The following TDRKH variants were observed in gnomAD, a reference collection of about 807,000 sequenced individuals.
The protein encoded by TDRKH is tudor and KH domain containing.
TDRKH carries 28 observed loss-of-function variants against 61.3 expected under a neutral mutation model. The ratio of observed to expected loss-of-function variants is 0.46; its 90% CI spans 0.34 to 0.63. TDRKH has a LOEUF of 0.63. TDRKH is among the 20% of genes least tolerant of loss of function. TDRKH has a pLI of 0.01. For missense variants in TDRKH, 540 were observed against 683.4 expected (o/e 0.79, Z 2.34); for synonymous variants, 219 against 244.4 (o/e 0.90, Z 0.97).
chr1:151,773,851 C>A lies in TDRKH; in HGVS notation c.*601G>T, dbSNP rs1401588581. 6.6e-6 allele frequency: 1 copy of A among 152,170 alleles called. No homozygotes were observed. Among genetic ancestry groups the A allele is most frequent in the Non-Finnish European group, 1.5e-5 (1 of 68,032 alleles). The allele number at this position is 152,170 out of a possible 1,614,324, so 9.4% of individuals were successfully genotyped here. On this transcript the variant is annotated 3_prime_UTR_variant, in exon 13 of 13. Transcript: ENST00000368824. Reference sequence around the variant, plus strand: ...TTCACCACTCAAAAGCTTTCCTTAACCAGAGTCACCTGATAAGGTGAGTCA... The same window carrying A: ...TTCACCACTCAAAAGCTTTCCTTAAACAGAGTCACCTGATAAGGTGAGTCA...
chr1:151,772,091 G>T, downstream of TDRKH: 1 of 396,324 alleles, frequency 2.5e-6, no homozygotes, highest in South Asian at 1.4e-4. Context: ...AATTGGGACT[G>T]AGATTTTTCT....
At chr1:151,788,666 T>C (rs1158737387) in intron 1 of TDRKH, among the ~76,000 whole-genome samples, 1 of 152,184 alleles carries the variant, frequency 6.6e-6, no homozygotes, top group Non-Finnish European at 1.5e-5. Context: ...CACAGCTCAT[T>C]AGTCATTTCT....
At chr1:151,786,590 C>T (rs1004306904) in intron 1 of TDRKH, among the ~76,000 whole-genome samples, 1 of 152,156 alleles carries the variant, frequency 6.6e-6, no homozygotes, top group African/African-American at 2.4e-5. Context: ...ATACAGATGA[C>T]CAGAATTTGC....
chr1:151,782,694 C>T, intron 2 of TDRKH: 1 of 359,166 alleles, frequency 2.8e-6, no homozygotes, highest in Non-Finnish European at 4.6e-6. Context: ...TGCTTGAGCC[C>T]AGGAGGTCGA....
At chr1:151,785,890 C>T (rs1650267377) in intron 1 of TDRKH, among the ~76,000 whole-genome samples, 1 of 152,110 alleles carries the variant, frequency 6.6e-6, no homozygotes, top group African/African-American at 2.4e-5. Context: ...AACTAAATAT[C>T]TGTATTTCCA....
intron 3 of TDRKH, among the ~76,000 whole-genome samples, 149 bp downstream of exon 3, chr1:151,781,328 AATAT>A (rs60652277): frequency 7.3e-5 from 5 of 68,600 alleles, no homozygotes; most frequent in Admixed American, 2.8e-4. Flanking sequence ...AAAAAAAAAA[AATAT>A]ATATATATAT....
At chr1:151,770,975 C>T (rs1648672118), downstream of TDRKH, 3 of 1,479,104 alleles carry the variant, frequency 2.0e-6, no homozygotes, top group South Asian at 1.4e-5. Context: ...CTGCACTACA[C>T]TGCTTCCCAG....
downstream of TDRKH, chr1:151,769,274 G>GACC (rs1648506230): frequency 1.3e-5 from 2 of 151,242 alleles, no homozygotes; most frequent in African/African-American, 4.9e-5. Flanking sequence ...AGGGGGCGGT[G>GACC]GCCGGGTGGG....
At chr1:151,771,751 G>T (rs937128162), downstream of TDRKH, 1 of 392,646 alleles carries the variant, frequency 2.5e-6, no homozygotes. Context: ...GAATGACAAA[G>T]AACCCATCAG....
downstream of TDRKH, chr1:151,767,192 C>T (rs568688664): frequency 4.2e-5 from 68 of 1,613,960 alleles, 2 homozygotes; most frequent in South Asian, 7.1e-4. Flanking sequence ...GAGGACTTGA[C>T]ACTCCAGCCC....
At chr1:151,768,359 C>CA (rs958195036), downstream of TDRKH, 22 of 1,378,774 alleles carry the variant, frequency 1.6e-5, no homozygotes, top group African/African-American at 4.3e-5. Context: ...GGCATGCAGA[C>CA]AAGCCTGTGA....
intron 1 of TDRKH, among the ~76,000 whole-genome samples, chr1:151,789,287 ACT>A (rs1266372990): frequency 1.3e-5 from 2 of 151,944 alleles, no homozygotes; most frequent in African/African-American, 4.8e-5. Context: ...AAAAAATGAG[ACT>A]CTACTTGATC....
In TDRKH at chr1:151,778,953, A is replaced by C. The variant is rs1438830339; in HGVS notation, c.615T>G (p.Ala205=). Residue 205 remains alanine (A), a synonymous_variant, in exon 6 of 13, where the codon GCT becomes GCG. Coordinates refer to ENST00000368824, the MANE Select transcript of TDRKH (RefSeq NM_001083965.2). ...SEDEELRKRI[A]HSAETRVPRK... ...GTGGGACCCTGGTTTCTGCAGAATGAGCAATTCTCTTCCGAAGTTCTTCAT... is the reference window on the plus strand; with the variant it reads ...GTGGGACCCTGGTTTCTGCAGAATGCGCAATTCTCTTCCGAAGTTCTTCAT... 3 of 1,614,070 alleles carry C rather than the reference A, an allele frequency of 1.9e-6. No homozygotes were observed. The African/African-American group carries it at 4.0e-5, about 22-fold the overall frequency.
intron 1 of TDRKH, among the ~76,000 whole-genome samples, chr1:151,785,555 A>G (rs1256629831): frequency 1.3e-5 from 2 of 152,220 alleles, no homozygotes; most frequent in Non-Finnish European, 2.9e-5. Flanking sequence ...TGCCAGGCAA[A>G]TTACATAATT....
At chr1:151,780,239 A>G in intron 3 of TDRKH, 99 bp from the exon 4 acceptor site, 1 of 1,266,102 alleles carries the variant, frequency 7.9e-7, no homozygotes, top group Non-Finnish European at 1.1e-6. Flanking sequence ...AGATAGAATT[A>G]GCCAAAGGAA....
At chr1:151,771,126 A>C (rs1247126994), downstream of TDRKH, 1 of 1,612,804 alleles carries the variant, frequency 6.2e-7, no homozygotes, top group Non-Finnish European at 8.5e-7. Context: ...TGGTCAGACC[A>C]GATCACCCTG....
chr1:151,768,107 C>A, downstream of TDRKH: 1 of 1,614,022 alleles, frequency 6.2e-7, no homozygotes, highest in Non-Finnish European at 8.5e-7. Flanking sequence ...CACCAGGACC[C>A]AGTACAGTTA....
intron 3 of TDRKH, among the ~76,000 whole-genome samples, chr1:151,780,488 G>GT (rs1333260741): frequency 6.6e-6 from 1 of 152,156 alleles, no homozygotes; most frequent in Non-Finnish European, 1.5e-5. Context: ...ATGGAAGATG[G>GT]TAAGAAGAAC....
chr1:151,768,159 G>T (rs1203546807), downstream of TDRKH: 1 of 1,613,850 alleles, frequency 6.2e-7, no homozygotes. Flanking sequence ...CTGCCCATTG[G>T]CACGGCCTTC....
Sources: gnomAD v4.1 joint callset for allele counts (sites outside exome capture counted in the v4.1 genomes callset) on GRCh38, gnomAD v4.1.1 for gene constraint, MANE v1.5 for transcripts, NCBI Gene and HGNC (gene_info 2026-07-23, HGNC 2026-07-21) for gene names.